Variants in LAMA3 observed in about 807,000 individuals in gnomAD.
LAMA3 encodes the protein laminin subunit alpha 3, also known as laminin subunit alpha-3.
A neutral mutation model predicts 402.0 loss-of-function variants in LAMA3; 281 were observed. The ratio of observed to expected loss-of-function variants is 0.70; its 90% CI spans 0.63 to 0.77. The LOEUF (loss-of-function observed/expected upper bound fraction) is 0.77, where lower values mean the gene tolerates loss of function less well. Among genes scored for constraint, LAMA3 ranks in the 30% least tolerant of loss-of-function variants. The probability of loss-of-function intolerance (pLI) is 0.00; values close to 1 mark genes in which losing one functional copy is unlikely to be tolerated. For missense variants in LAMA3, 3,840 were observed against 4,215.5 expected, an observed-to-expected ratio of 0.91 and a Z score of 2.47; for synonymous variants, 1,431 against 1,558.4, an observed-to-expected ratio of 0.92 and a Z score of 1.93.
intron 44 of LAMA3, among the ~76,000 whole-genome samples, chr18:23,896,981 G>A (rs1268885056): frequency 2.0e-5 from 3 of 151,978 alleles, no homozygotes; most frequent in African/African-American, 7.3e-5. Context: ...AGAAGCAACA[G>A]TCAAGAGATG....
At chr18:23,908,264 CTCATGCCTGTAA>C (rs138852543) in intron 54 of LAMA3, among the ~76,000 whole-genome samples, 1,792 of 152,200 alleles carry the variant, frequency 0.012, 38 homozygotes, top group African/African-American at 0.041. Context: ...TGCGCTGTGG[CTCATGCCTGTAA>C]TCCCAGCACT....
chr18:23,928,320 G>A lies in LAMA3; in HGVS notation c.8295+80G>A, dbSNP rs984833429. 1.7e-5 allele frequency: 15 copies of A among 906,428 alleles called. 1 individual carries two copies. The Middle Eastern group carries it at 9.1e-4, about 55-fold the overall frequency. The allele number at this position is 906,428 out of a possible 1,614,324, so 56.1% of individuals were successfully genotyped here. Reference sequence around the variant, plus strand: ...CGTATCCATTAACGCAGCAACTTTTGACTTCTTTCTGATAGCACACAGTGT... The same window carrying A: ...CGTATCCATTAACGCAGCAACTTTTAACTTCTTTCTGATAGCACACAGTGT... On this transcript the variant is annotated intron_variant, in intron 63 of 74. Coordinates refer to ENST00000313654, the MANE Select transcript of LAMA3 (RefSeq NM_198129.4).
At chr18:23,751,110 T>G (rs769388084) in intron 5 of LAMA3, 22 bp downstream of exon 5, 62 of 1,613,716 alleles carry the variant, frequency 3.8e-5, no homozygotes, top group Non-Finnish European at 5.2e-5. Context: ...GAGCATTTGT[T>G]TTGTTACTTT....
At chr18:23,712,062 G>A (rs2061000107) in intron 1 of LAMA3, among the ~76,000 whole-genome samples, 1 of 152,142 alleles carries the variant, frequency 6.6e-6, no homozygotes, top group South Asian at 2.1e-4. Context: ...AATACTGATA[G>A]TAAGTGTTTA....
At chr18:23,829,905 T>C (rs1042864108) in intron 23 of LAMA3, among the ~76,000 whole-genome samples, 8 of 152,198 alleles carry the variant, frequency 5.3e-5, no homozygotes, top group Non-Finnish European at 8.8e-5. Flanking sequence ...TATAAATCCA[T>C]AACCCAGGAG....
intron 12 of LAMA3, among the ~76,000 whole-genome samples, chr18:23,804,364 T>A (rs1458656977): frequency 3.3e-5 from 5 of 152,166 alleles, no homozygotes; most frequent in Non-Finnish European, 7.4e-5. Flanking sequence ...TGCAGAGCCT[T>A]CCCTTGTTCT....
At chr18:23,743,536 G>A (rs80207812) in intron 2 of LAMA3, among the ~76,000 whole-genome samples, 169 of 152,322 alleles carry the variant, frequency 1.1e-3, no homozygotes, top group Middle Eastern at 6.8e-3. Flanking sequence ...AGGACAGGCT[G>A]TACCAATCTA....
chr18:23,822,313 T>A lies in LAMA3; in HGVS notation c.2366T>A (p.Leu789Gln). ...AGTGGCTCCTTGTTTCGTGTTATTCTGAGATACGTTAACCCTGGAACTGAA... is the reference window on the plus strand; with the variant it reads ...AGTGGCTCCTTGTTTCGTGTTATTCAGAGATACGTTAACCCTGGAACTGAA... ...KSSGSLFRVI[L>Q]RYVNPGTEAV... Residue 789 changes from leucine (L) to glutamine (Q), a missense_variant, in exon 20 of 75, where the codon CTG becomes CAG. This residue lies in a region of LAMA3 where 2,109 missense variants were observed against 2,376.0 expected (regional missense o/e 0.89). Coordinates refer to ENST00000313654, the MANE Select transcript of LAMA3 (RefSeq NM_198129.4). 6.2e-7 allele frequency: 1 copy of A among 1,613,752 alleles called. No homozygotes were observed. Among genetic ancestry groups the A allele is most frequent in the Non-Finnish European group, 8.5e-7 (1 of 1,179,642 alleles).
At chr18:23,869,480 T>A (rs7229663) in intron 37 of LAMA3, among the ~76,000 whole-genome samples, 121,348 of 152,174 alleles carry the variant, frequency 0.8, 49,137 homozygotes, top group African/African-American at 0.95. Flanking sequence ...TATGATGATG[T>A]TTGCATGCTT....
At chr18:23,903,312 T>C (rs1258159830) in intron 49 of LAMA3, among the ~76,000 whole-genome samples, 187 bp downstream of exon 49, 3 of 152,248 alleles carry the variant, frequency 2.0e-5, no homozygotes, top group East Asian at 1.9e-4. Context: ...TGTCTTCTTA[T>C]GTTCATATGT....
At chr18:23,808,527 C>T (rs2063007632) in intron 12 of LAMA3, among the ~76,000 whole-genome samples, 1 of 152,132 alleles carries the variant, frequency 6.6e-6, no homozygotes, top group African/African-American at 2.4e-5. Context: ...AGTAGGCCTT[C>T]AATCAATGTC....
intron 43 of LAMA3, 89 bp downstream of exon 43, chr18:23,894,437 A>C: frequency 8.6e-7 from 1 of 1,160,828 alleles, no homozygotes; most frequent in Non-Finnish European, 1.3e-6. Context: ...TGCAGTTTCC[A>C]GTCTGGGAAA....
At chr18:23,859,147 C>T (rs2064155981) in intron 34 of LAMA3, among the ~76,000 whole-genome samples, 1 of 152,124 alleles carries the variant, frequency 6.6e-6, no homozygotes, top group Non-Finnish European at 1.5e-5. Context: ...GCTGATACAC[C>T]CCTAGTGCCT....
chr18:23,819,732 A>T, intron 18 of LAMA3, 109 bp from the exon 19 acceptor site: 1 of 938,582 alleles, frequency 1.1e-6, no homozygotes, highest in Non-Finnish European at 1.8e-6. Context: ...TATTTAATGT[A>T]CTCTGTCAAT....
At chr18:23,907,174 C>T (rs1487450397) in intron 52 of LAMA3, among the ~76,000 whole-genome samples, 10 of 152,316 alleles carry the variant, frequency 6.6e-5, no homozygotes, top group East Asian at 1.9e-4. Flanking sequence ...ACTAATATTA[C>T]GCCTCAACTA....
chr18:23,858,625 A>G lies in LAMA3; in HGVS notation c.4282-64A>G, dbSNP rs2064141241. 2.1e-6 allele frequency: 3 copies of G among 1,459,006 alleles called. No homozygotes were observed. In the African/African-American group the frequency reaches 4.2e-5, roughly 21 times the overall value. 90.4% of individuals were successfully genotyped at this position (1,459,006 alleles called of 1,614,324 possible). On this transcript the variant is annotated intron_variant, in intron 33 of 74. Transcript: ENST00000313654. ...GTGTTGGTATTTAATTTGTGCAAGT[A>G]GCTAATTGCAACTAGGGAAATTTTG...
At chr18:23,852,259 G>A (rs1266505869) in intron 32 of LAMA3, among the ~76,000 whole-genome samples, 2 of 152,128 alleles carry the variant, frequency 1.3e-5, no homozygotes, top group Non-Finnish European at 2.9e-5. Context: ...ATTATACTGG[G>A]ATTCAAATAT....
At chr18:23,800,430 A>ATT (rs2062846171) in intron 12 of LAMA3, among the ~76,000 whole-genome samples, 1 of 152,204 alleles carries the variant, frequency 6.6e-6, no homozygotes, top group Non-Finnish European at 1.5e-5. Flanking sequence ...AATTGTACAT[A>ATT]TTTATGGGGT....
At chr18:23,802,187 G>A (rs1472807104) in intron 12 of LAMA3, among the ~76,000 whole-genome samples, 1 of 152,154 alleles carries the variant, frequency 6.6e-6, no homozygotes, top group Admixed American at 6.5e-5. Context: ...GCCCAATCAG[G>A]TATAATGCAA....
Sources: allele counts gnomAD v4.1 joint callset (sites outside exome capture counted in the v4.1 genomes callset), GRCh38; gene constraint gnomAD v4.1.1; regional missense constraint gnomAD v4.1.1; transcripts MANE v1.5; gene names NCBI Gene and HGNC (gene_info 2026-07-23, HGNC 2026-07-21).